The following BRINP3 variants were observed in gnomAD, a reference collection of about 807,000 sequenced individuals.
The protein encoded by BRINP3 is BMP/retinoic acid inducible neural specific 3.
A neutral mutation model predicts 71.0 loss-of-function variants in BRINP3; 19 were observed. The ratio of observed to expected loss-of-function variants is 0.27; its 90% confidence interval spans 0.19 to 0.39. The LOEUF is 0.39. BRINP3 is among the 10% of genes least tolerant of loss of function. The pLI is 1.00. For synonymous variants in BRINP3, 380 were observed against 337.7 expected (o/e 1.13, Z -1.37); for missense variants, 959 against 940.8 (o/e 1.02, Z -0.25).
At chr1:190,307,258 G>GTTTTTTT (rs71123082) in intron 2 of BRINP3, among the ~76,000 whole-genome samples, 5 of 52,632 alleles carry the variant, frequency 9.5e-5, no homozygotes, top group East Asian at 6.5e-4. Flanking sequence ...TTAAAACATT[G>GTTTTTTT]TTTTTTTTTT....
chr1:190,150,259 C>T (rs1416010689), intron 7 of BRINP3, among the ~76,000 whole-genome samples: 2 of 125,548 alleles, frequency 1.6e-5, no homozygotes, highest in African/African-American at 3.7e-5. Context: ...TATATATGTG[C>T]ATATCTATGT....
chr1:190,136,173 A>G (rs937210891), intron 7 of BRINP3, among the ~76,000 whole-genome samples: 2 of 152,294 alleles, frequency 1.3e-5, no homozygotes, highest in South Asian at 2.1e-4. Flanking sequence ...GAGTATTCAT[A>G]TTCAAAATCT....
chr1:190,181,205 C>T (rs1374046324), intron 6 of BRINP3, among the ~76,000 whole-genome samples: 2 of 152,078 alleles, frequency 1.3e-5, no homozygotes, highest in Non-Finnish European at 2.9e-5. Flanking sequence ...ATAATGCCCT[C>T]ACGATACATC....
intron 7 of BRINP3, among the ~76,000 whole-genome samples, chr1:190,107,197 T>A (rs562352552): frequency 1.6e-4 from 24 of 152,106 alleles, no homozygotes; most frequent in African/African-American, 5.8e-4. Context: ...TATAAAAATA[T>A]AAATTATTTT....
At chr1:190,139,009 A>T (rs1481653006) in intron 7 of BRINP3, among the ~76,000 whole-genome samples, 1 of 152,164 alleles carries the variant, frequency 6.6e-6, no homozygotes, top group Non-Finnish European at 1.5e-5. Flanking sequence ...AAGCCTTGAG[A>T]GGGAATTTTA....
At position 190,215,915 on chromosome 1, in the gene BRINP3, C is replaced by T. The variant is rs987448907; in HGVS notation, c.961+10167G>A. 3.6e-4 allele frequency among the ~76,000 whole-genome samples: 54 copies of T among 151,150 alleles called. 1 individual carries two copies. Among genetic ancestry groups the T allele is most frequent in the African/African-American group, 1.3e-3 (53 of 41,248 alleles). Reference sequence around the variant, plus strand: ...CATGCCAAAACATTTGTAAAATATCCGTTCTTTATATAGACCAATCTCTTT... The same window carrying T: ...CATGCCAAAACATTTGTAAAATATCTGTTCTTTATATAGACCAATCTCTTT... On this transcript the variant is annotated intron_variant, in intron 6 of 7. Coordinates refer to ENST00000367462, the MANE Select transcript of BRINP3 (RefSeq NM_199051.3).
Position 190,226,247 on chromosome 1 carries a change from T to C in BRINP3, c.796A>G (p.Asn266Asp). ...VQAALSYIAC[N>D]SEGEFICKEN... The stretch of plus-strand genomic sequence containing the variant: ...TTGCAGATAAACTCTCCCTCTGAAT[T>C]GCAAGCAATGTAGCTCAAAGCTGCT... The change falls in exon 6 of 8, where the codon AAT becomes GAT. Residue 266 changes from asparagine (N) to aspartate (D), a missense_variant. Coordinates refer to ENST00000367462, the MANE Select transcript of BRINP3 (RefSeq NM_199051.3). 6.2e-7 allele frequency: 1 copy of C among 1,612,402 alleles called. No homozygotes were observed. Among genetic ancestry groups the C allele is most frequent in the South Asian group, 1.1e-5 (1 of 90,976 alleles).
At chr1:190,431,997 C>T (rs973811758) in intron 2 of BRINP3, among the ~76,000 whole-genome samples, 5 of 151,922 alleles carry the variant, frequency 3.3e-5, no homozygotes, top group Admixed American at 2.6e-4. Context: ...CCAAATAATG[C>T]TATTAAAAGG....
intron 4 of BRINP3, among the ~76,000 whole-genome samples, chr1:190,249,854 CA>C (rs1350019679): frequency 6.6e-6 from 1 of 151,688 alleles, no homozygotes; most frequent in Non-Finnish European, 1.5e-5. Flanking sequence ...AATTTCTTAC[CA>C]AAACCTCTAA....
chr1:190,258,133 G>A (rs1360130541), intron 4 of BRINP3, among the ~76,000 whole-genome samples: 1 of 152,224 alleles, frequency 6.6e-6, no homozygotes, highest in Non-Finnish European at 1.5e-5. Flanking sequence ...ACTGTGGGGG[G>A]CTCTGCCCAG....
chr1:190,438,214 T>C (rs1373051625), intron 2 of BRINP3, among the ~76,000 whole-genome samples: 1 of 151,524 alleles, frequency 6.6e-6, no homozygotes, highest in African/African-American at 2.4e-5. Context: ...CAATATTAAA[T>C]GTAACCTTTA....
At chr1:190,328,680 C>A (rs189450425) in intron 2 of BRINP3, among the ~76,000 whole-genome samples, 1 of 149,584 alleles carries the variant, frequency 6.7e-6, no homozygotes, top group Admixed American at 6.7e-5. Flanking sequence ...ATCTATGAAG[C>A]CAGCATTACC....
chr1:190,114,279 C>T (rs1032576250), intron 7 of BRINP3, among the ~76,000 whole-genome samples: 4 of 152,084 alleles, frequency 2.6e-5, no homozygotes, highest in Non-Finnish European at 5.9e-5. Flanking sequence ...AGAGCAGTTG[C>T]CAGTACTATG....
intron 4 of BRINP3, among the ~76,000 whole-genome samples, chr1:190,250,430 T>C (rs1451511447): frequency 1.3e-5 from 2 of 152,034 alleles, no homozygotes; most frequent in Non-Finnish European, 2.9e-5. Flanking sequence ...GCATGTCATA[T>C]TTTTAAACTC....
chr1:190,197,401 A>G (rs1324668475), intron 6 of BRINP3, among the ~76,000 whole-genome samples: 1 of 152,184 alleles, frequency 6.6e-6, no homozygotes, highest in Non-Finnish European at 1.5e-5. Context: ...TGAACTCAAA[A>G]GTCCATAGTC....
intron 7 of BRINP3, among the ~76,000 whole-genome samples, chr1:190,118,213 T>A (rs950201142): frequency 6.6e-5 from 10 of 152,042 alleles, no homozygotes; most frequent in Non-Finnish European, 1.3e-4. Context: ...CAAAAAATAG[T>A]CTGCATTTTA....
At chr1:190,334,419 A>T (rs1667157515) in intron 2 of BRINP3, among the ~76,000 whole-genome samples, 1 of 151,772 alleles carries the variant, frequency 6.6e-6, no homozygotes. Context: ...AACACGAGAA[A>T]CTGAAAAAGA....
chr1:190,103,505 G>A (rs577496298), intron 7 of BRINP3, among the ~76,000 whole-genome samples: 11 of 152,112 alleles, frequency 7.2e-5, no homozygotes, highest in African/African-American at 2.2e-4. Flanking sequence ...AGAATTTCTA[G>A]GAGTAGGATT....
chr1:190,221,668 A>C (rs1201141853), intron 6 of BRINP3, among the ~76,000 whole-genome samples: 1 of 152,154 alleles, frequency 6.6e-6, no homozygotes, highest in Non-Finnish European at 1.5e-5. Flanking sequence ...TTGCCTTCAA[A>C]AAATCCACTT....
Sources: gnomAD v4.1 joint callset for allele counts (sites outside exome capture counted in the v4.1 genomes callset) on GRCh38, gnomAD v4.1.1 for gene constraint, MANE v1.5 for transcripts, NCBI Gene and HGNC (gene_info 2026-07-23, HGNC 2026-07-21) for gene names.